Variants in PGM3 observed in about 807,000 individuals in gnomAD.
PGM3 encodes the protein phosphoacetylglucosamine mutase.
In PGM3, 40 loss-of-function variants were observed where a neutral mutation model predicts 66.2. That is an observed-to-expected ratio of 0.60 (90% CI 0.47 to 0.79). The LOEUF is 0.79. PGM3 is among the 30% of genes least tolerant of loss of function. The probability of loss-of-function intolerance (pLI) is 0.00; values close to 1 mark genes in which losing one functional copy is unlikely to be tolerated. For synonymous variants in PGM3, 191 were observed against 224.2 expected, an observed-to-expected ratio of 0.85 and a Z score of 1.32; for missense variants, 537 against 643.4, an observed-to-expected ratio of 0.83 and a Z score of 1.79.
chr6:83,153,433 A>G, the PGM3 span: 11 of 885,118 alleles, frequency 1.2e-5, no homozygotes, highest in Non-Finnish European at 6.7e-6. Context: ...TAGGTTTTCT[A>G]ACAAACTGAA....
intron 4 of PGM3, 65 bp downstream of exon 4, chr6:83,186,943 A>T: frequency 1.1e-6 from 1 of 875,826 alleles, no homozygotes; most frequent in Non-Finnish European, 1.8e-6. Flanking sequence ...ATAAATATAC[A>T]TTACTTTTGT....
chr6:83,184,056 G>C (rs947009126), intron 4 of PGM3, among the ~76,000 whole-genome samples: 4 of 151,948 alleles, frequency 2.6e-5, no homozygotes, highest in African/African-American at 9.7e-5. Context: ...CAGTGCCCCA[G>C]GTACCCAGCA....
intron 5 of PGM3, 78 bp from the exon 6 acceptor site, chr6:83,182,009 T>A: frequency 1.4e-6 from 1 of 689,900 alleles, no homozygotes; most frequent in Non-Finnish European, 2.2e-6. Flanking sequence ...TATATACATA[T>A]GTGCATATGT....
downstream of PGM3, among the ~76,000 whole-genome samples, chr6:83,157,724 C>T (rs114250109): frequency 1.9e-3 from 291 of 152,276 alleles, no homozygotes; most frequent in African/African-American, 6.8e-3. Flanking sequence ...CATATACTCA[C>T]TCTTGAAGTG....
In PGM3 at chr6:83,174,461, C is replaced by A. The variant is rs1376435172; in HGVS notation, c.1155G>T (p.Met385Ile). The change falls in exon 10 of 13, where the codon ATG (methionine) becomes ATT (isoleucine). Residue 385 changes from methionine (M) to isoleucine (I), a missense_variant. By Grantham distance (10) the Met-to-Ile change is conservative (BLOSUM62 1). Transcript: ENST00000513973. ...GTTGTTCTGCTGATTGTTTTATCTTCATTTCAACAGCTGTACTAAACAGTG... is the reference window on the plus strand; with the variant it reads ...GTTGTTCTGCTGATTGTTTTATCTTAATTTCAACAGCTGTACTAAACAGTG... ...GTALFSTAVEMKIKQSAEQLE... is the reference protein window; with the variant it reads ...GTALFSTAVEIKIKQSAEQLE... 2 of 1,599,020 alleles carry A rather than the reference C, an allele frequency of 1.3e-6. No homozygotes were observed. Among genetic ancestry groups the A allele is most frequent in the Admixed American group, 3.4e-5 (2 of 58,594 alleles).
intron 2 of PGM3, among the ~76,000 whole-genome samples, chr6:83,189,917 C>A (rs185708879): frequency 3.3e-5 from 5 of 152,244 alleles, no homozygotes; most frequent in Admixed American, 3.3e-4. Context: ...TCATAACATA[C>A]ATGTGTTATG....
Position 83,172,062 on chromosome 6 carries a change from GCAAATGGGGAAA to G in PGM3, c.1243-15_1243-4del, listed in dbSNP as rs773922847. 6.3e-5 allele frequency: 101 copies of G among 1,612,292 alleles called. No homozygotes were observed. In the African/African-American group the frequency reaches 1.3e-3, roughly 21 times the overall value. On this transcript the variant is annotated splice_polypyrimidine_tract_variant and splice_region_variant and intron_variant, in intron 10 of 12. Transcript: ENST00000513973. ...TCAGAAATAGCATCACCAGCTGCCT[GCAAATGGGGAAA>G]CAAATGGAAGAAACCACTTAACACA...
At chr6:83,159,633 T>C (rs1783759602), downstream of PGM3, 1 of 786,174 alleles carries the variant, frequency 1.3e-6, no homozygotes, top group Non-Finnish European at 2.1e-6. Flanking sequence ...AGTGAATTTT[T>C]GATTTGAAAA....
intron 3 of PGM3, among the ~76,000 whole-genome samples, chr6:83,187,963 G>A (rs1788709110): frequency 6.6e-6 from 1 of 152,162 alleles, no homozygotes; most frequent in African/African-American, 2.4e-5. Flanking sequence ...TCGGTATCTG[G>A]AAAACCCTCT....
At chr6:83,180,594 T>C (rs1788106134) in intron 6 of PGM3, among the ~76,000 whole-genome samples, 1 of 152,152 alleles carries the variant, frequency 6.6e-6, no homozygotes, top group East Asian at 1.9e-4. Flanking sequence ...TTGTCAGGAA[T>C]GGGATCATAA....
In PGM3 at chr6:83,168,785, C is replaced by T; in HGVS notation, c.*449G>A. On this transcript the variant is annotated 3_prime_UTR_variant, in exon 13 of 13. Transcript: ENST00000513973. ...AGTCATCTAATAATCTTTCTTAAGACTCTGCAATGGAAAAACTGGTTGTAT... is the reference window on the plus strand; with the variant it reads ...AGTCATCTAATAATCTTTCTTAAGATTCTGCAATGGAAAAACTGGTTGTAT... 1 of 1,007,226 alleles carries T rather than the reference C, an allele frequency of 9.9e-7. No individual in the cohort carries two copies. Among genetic ancestry groups the T allele is most frequent in the Non-Finnish European group, 1.2e-6 (1 of 842,076 alleles). 62.4% of individuals were successfully genotyped at this position (1,007,226 alleles called of 1,614,324 possible). A position where few individuals can be genotyped will look rare whatever the true frequency, so the allele number is the denominator to read the frequency against.
chr6:83,156,428 T>A (rs1382895664), downstream of PGM3, among the ~76,000 whole-genome samples: 1 of 152,196 alleles, frequency 6.6e-6, no homozygotes, highest in Admixed American at 6.5e-5. Flanking sequence ...AGAATTTGTG[T>A]ACTCTGAGAA....
intron 6 of PGM3, among the ~76,000 whole-genome samples, chr6:83,180,337 TG>T (rs1451442764): frequency 6.6e-6 from 1 of 152,136 alleles, no homozygotes; most frequent in Non-Finnish European, 1.5e-5. Flanking sequence ...CAGCACTAGA[TG>T]ATGTATGTGC....
At chr6:83,158,895 G>T (rs1404449748), downstream of PGM3, among the ~76,000 whole-genome samples, 1 of 152,148 alleles carries the variant, frequency 6.6e-6, no homozygotes, top group African/African-American at 2.4e-5. Flanking sequence ...GCTGGTTTTG[G>T]TAAGTCACAT....
chr6:83,164,491 C>T (rs1346332121), downstream of PGM3, among the ~76,000 whole-genome samples: 2 of 152,044 alleles, frequency 1.3e-5, no homozygotes, highest in Non-Finnish European at 2.9e-5. Flanking sequence ...CCTCCTTTAT[C>T]TAAATAATAA....
chr6:83,152,291 T>C, the PGM3 span: 6 of 1,551,066 alleles, frequency 3.9e-6, no homozygotes, highest in Non-Finnish European at 2.6e-6. Context: ...TTTATAGATA[T>C]GTTATCACCT....
chr6:83,162,863 C>T (rs759331400), downstream of PGM3: 24 of 1,613,414 alleles, frequency 1.5e-5, no homozygotes, highest in Non-Finnish European at 2.0e-5. Flanking sequence ...TATACATCAA[C>T]GAGAATTTAA....
chr6:83,149,575 A>G, the PGM3 span, among the ~76,000 whole-genome samples: 1 of 152,118 alleles, frequency 6.6e-6, no homozygotes, highest in African/African-American at 2.4e-5. Context: ...ATGGGGCAGG[A>G]TCTTGAATTT....
chr6:83,150,318 A>G, the PGM3 span, among the ~76,000 whole-genome samples: 1 of 152,202 alleles, frequency 6.6e-6, no homozygotes, highest in East Asian at 1.9e-4. Context: ...TGTTGGAATC[A>G]TCACCAAATA....
Sources: allele counts gnomAD v4.1 joint callset (sites outside exome capture counted in the v4.1 genomes callset), GRCh38; gene constraint gnomAD v4.1.1; transcripts MANE v1.5; gene names NCBI Gene and HGNC (gene_info 2026-07-23, HGNC 2026-07-21).